GARNL3: variants seen among roughly 807,000 people sequenced by gnomAD.
GARNL3 encodes GTPase-activating Rap/Ran-GAP domain-like protein 3.
In GARNL3, 63 loss-of-function variants were observed where a neutral mutation model predicts 125.0. That is an observed-to-expected ratio of 0.50 (90% CI 0.41 to 0.62). GARNL3 has a LOEUF of 0.62. Among genes scored for constraint, GARNL3 ranks in the 20% least tolerant of loss-of-function variants. The probability of loss-of-function intolerance (pLI) is 0.00; values close to 1 mark genes in which losing one functional copy is unlikely to be tolerated. For missense variants in GARNL3, 994 were observed against 1,244.0 expected, an observed-to-expected ratio of 0.80 and a Z score of 3.02; for synonymous variants, 439 against 457.5, an observed-to-expected ratio of 0.96 and a Z score of 0.52.
In GARNL3 at chr9:127,318,696, T is replaced by G. The variant is rs112914060; in HGVS notation, c.503+569T>G. On this transcript the variant is annotated intron_variant, in intron 5 of 27. Transcript: ENST00000373387. ...CCTCCCTCTCATCTCTCTCCCATGC[T>G]TAGGTGGCAGCCTCCCCTAGGGAAT... Among the ~76,000 whole-genome samples, 292 of 151,814 alleles carry G rather than the reference T, an allele frequency of 1.9e-3. 4 individuals are homozygous for G. The highest frequency in any genetic ancestry group is 6.7e-3 in the African/African-American group (278 of 41,502).
chr9:127,237,244 G>A (rs1211361051), intron 1 of GARNL3, among the ~76,000 whole-genome samples: 2 of 152,192 alleles, frequency 1.3e-5, no homozygotes, highest in African/African-American at 2.4e-5. Flanking sequence ...CCATGCTGCC[G>A]ACTCTGCCTG....
At chr9:127,281,577 G>T (rs1003317140) in intron 1 of GARNL3, among the ~76,000 whole-genome samples, 2 of 152,112 alleles carry the variant, frequency 1.3e-5, no homozygotes, top group African/African-American at 4.8e-5. Flanking sequence ...TAGGATCAAG[G>T]TGAGGAGTGG....
intron 2 of GARNL3, among the ~76,000 whole-genome samples, chr9:127,305,128 AG>A (rs2064914787): frequency 6.6e-6 from 1 of 152,222 alleles, no homozygotes; most frequent in African/African-American, 2.4e-5. Flanking sequence ...CATGTGGTTG[AG>A]TAATGACTGG....
chr9:127,388,592 T>C (rs1472498180), intron 25 of GARNL3: 3 of 387,924 alleles, frequency 7.7e-6, no homozygotes, highest in Non-Finnish European at 1.4e-5. Flanking sequence ...TCATCTTTAT[T>C]GCACGCAGTT....
In GARNL3 at chr9:127,242,892, A is replaced by G. The variant is rs941953743; in HGVS notation, c.-28-187A>G. ...AGGACTTGGATGGTTCCATGGCCCAATGCTTCCTTGATGCAGTAAGGTCAT... is the reference window on the plus strand; with the variant it reads ...AGGACTTGGATGGTTCCATGGCCCAGTGCTTCCTTGATGCAGTAAGGTCAT... On this transcript the variant is annotated intron_variant, in intron 1 of 10. Coordinates refer to the GARNL3 transcript ENST00000439286. The surrounding 1 kb of genome is among the most constrained non-coding windows in gnomAD (Gnocchi z 4.6). Among the ~76,000 whole-genome samples, 1 of 151,804 alleles carries G rather than the reference A, an allele frequency of 6.6e-6. No individual in the cohort carries two copies. The highest frequency in any genetic ancestry group is 1.5e-5 in the Non-Finnish European group (1 of 67,942).
chr9:127,239,308 G>T (rs1296185300), intron 1 of GARNL3, among the ~76,000 whole-genome samples: 1 of 152,122 alleles, frequency 6.6e-6, no homozygotes, highest in East Asian at 1.9e-4. Context: ...TCATTAGAAA[G>T]CTGGGACAGT....
chr9:127,286,832 A>G (rs1346052519), intron 1 of GARNL3, among the ~76,000 whole-genome samples: 1 of 152,162 alleles, frequency 6.6e-6, no homozygotes, highest in Non-Finnish European at 1.5e-5. Flanking sequence ...TATTCTCTTG[A>G]TTCTTCCTTA....
At chr9:127,368,799 G>A (rs1315568678) in intron 22 of GARNL3, among the ~76,000 whole-genome samples, 3 of 151,980 alleles carry the variant, frequency 2.0e-5, no homozygotes, top group African/African-American at 7.2e-5. Context: ...GCCAGGAGTG[G>A]TGGTGCGCGC....
intron 25 of GARNL3, chr9:127,388,535 C>A: frequency 3.4e-6 from 1 of 296,786 alleles, no homozygotes; most frequent in South Asian, 3.2e-5. Context: ...CTGTGGTTAC[C>A]TCATCGCTTT....
chr9:127,334,080 G>A (rs1371456063), intron 9 of GARNL3, among the ~76,000 whole-genome samples: 1 of 152,178 alleles, frequency 6.6e-6, no homozygotes, highest in Non-Finnish European at 1.5e-5. Flanking sequence ...AGAGGAGACA[G>A]TACTTGAAGA....
upstream of GARNL3, chr9:127,263,598 G>T: frequency 1.4e-6 from 1 of 733,466 alleles, no homozygotes; most frequent in Non-Finnish European, 1.7e-6. Flanking sequence ...AATACAGATT[G>T]GAATAGACCA....
chr9:127,299,808 G>T (rs181249539), intron 2 of GARNL3, among the ~76,000 whole-genome samples: 3 of 151,992 alleles, frequency 2.0e-5, no homozygotes, highest in Non-Finnish European at 4.4e-5. Context: ...CTTGTGATCC[G>T]CCCACCTCGG....
At chr9:127,224,949 C>G (rs1461315149) in intron 1 of GARNL3, among the ~76,000 whole-genome samples, 6 of 90,614 alleles carry the variant, frequency 6.6e-5, no homozygotes, top group African/African-American at 2.4e-4. Context: ...TGGGCGGGGC[C>G]TGCTCCGGGC....
At chr9:127,319,886 A>G (rs1418545355) in intron 5 of GARNL3, among the ~76,000 whole-genome samples, 1 of 152,236 alleles carries the variant, frequency 6.6e-6, no homozygotes, top group African/African-American at 2.4e-5. Flanking sequence ...GTATACCCTC[A>G]TAGCTGGAGC....
upstream of GARNL3, among the ~76,000 whole-genome samples, chr9:127,262,416 C>T (rs2063612583): frequency 1.3e-5 from 2 of 152,202 alleles, 1 homozygote; most frequent in East Asian, 3.9e-4. Context: ...GCCTCTCTGT[C>T]CAGCTGGCCA....
intron 1 of GARNL3, among the ~76,000 whole-genome samples, chr9:127,228,569 CTTATTT>C (rs1404835989): frequency 6.6e-6 from 1 of 152,162 alleles, no homozygotes; most frequent in Non-Finnish European, 1.5e-5. Flanking sequence ...ATAATTTATA[CTTATTT>C]TTATGAAATA....
chr9:127,264,975 G>A lies in GARNL3; in HGVS notation c.98G>A (p.Cys33Tyr), dbSNP rs1588710763. ...CSSSVSEDLG[C>Y]RRGDFSRKHY... ...AGCTCTGTCTCGGAAGACCTAGGCT[G>A]TAGACGTGGGGATTTCAGTAGGAAA... The change falls in exon 1 of 28, where the codon TGT becomes TAT. Residue 33 changes from cysteine (C) to tyrosine (Y), a missense_variant. Cys to Tyr is a radical substitution (Grantham distance 194, BLOSUM62 -2). Coordinates refer to ENST00000373387, the MANE Select transcript of GARNL3 (RefSeq NM_032293.5). 2 of 1,613,262 alleles carry A rather than the reference G, an allele frequency of 1.2e-6. No individual in the cohort carries two copies. The highest frequency in any genetic ancestry group is 1.7e-6 in the Non-Finnish European group (2 of 1,179,558).
chr9:127,243,841 G>A (rs1174282233), intron 2 of GARNL3, among the ~76,000 whole-genome samples: 1 of 152,148 alleles, frequency 6.6e-6, no homozygotes, highest in Admixed American at 6.5e-5. Context: ...TTGTTATGGT[G>A]TATGATAATA....
chr9:127,277,068 A>T (rs1588736394), intron 1 of GARNL3, among the ~76,000 whole-genome samples: 1 of 152,356 alleles, frequency 6.6e-6, no homozygotes, highest in East Asian at 1.9e-4. Flanking sequence ...CTGCTGTTAC[A>T]GGCTGCTCCA....
Sources: gnomAD v4.1 joint callset for allele counts (sites outside exome capture counted in the v4.1 genomes callset) on GRCh38, gnomAD v4.1.1 for gene constraint, Gnocchi (gnomAD v3.1) non-coding constraint, MANE v1.5 for transcripts, NCBI Gene and HGNC (gene_info 2026-07-23, HGNC 2026-07-21) for gene names.